The following CLSTN2 variants were observed in gnomAD, a reference collection of about 807,000 sequenced individuals.
CLSTN2 encodes calsyntenin-2.
In CLSTN2, 48 loss-of-function variants were observed where a neutral mutation model predicts 101.2. That is an observed-to-expected ratio of 0.47 (90% confidence interval 0.38 to 0.60). CLSTN2 has a LOEUF of 0.60. CLSTN2 is among the 20% of genes least tolerant of loss of function. CLSTN2 has a pLI of 0.00. For synonymous variants in CLSTN2, 481 were observed against 463.6 expected (o/e 1.04, Z -0.48); for missense variants, 1,160 against 1,238.2 (o/e 0.94, Z 0.95).
chr3:140,134,336 G>C (rs922914986), intron 1 of CLSTN2, among the ~76,000 whole-genome samples: 1 of 152,112 alleles, frequency 6.6e-6, no homozygotes, highest in African/African-American at 2.4e-5. Flanking sequence ...TCTGCTGCCA[G>C]AGTCTGTCTA....
intron 2 of CLSTN2, among the ~76,000 whole-genome samples, chr3:140,329,041 A>T (rs973118521): frequency 1.3e-5 from 2 of 152,104 alleles, no homozygotes; most frequent in Non-Finnish European, 2.9e-5. Flanking sequence ...CTCTTTTGGG[A>T]CTCAGTTTTC....
chr3:140,564,051 C>T lies in CLSTN2; in HGVS notation c.2573C>T (p.Ala858Val). ...VAMGVYRVRI[A>V]HQHFIQETEA... is the part of the protein sequence containing the mutation. ...ATGGGTGTGTACCGGGTCCGGATCG[C>T]CCACCAGCACTTCATCCAGGAGACT... The change falls in exon 16 of 17, where the codon GCC becomes GTC. Residue 858 changes from alanine (A) to valine (V), a missense_variant. By Grantham distance (64) the Ala-to-Val change is moderately conservative. Transcript: ENST00000458420. 2 of 1,614,010 alleles carry T rather than the reference C, an allele frequency of 1.2e-6. No homozygotes were observed. Among genetic ancestry groups the T allele is most frequent in the East Asian group, 2.2e-5 (1 of 44,864 alleles).
intron 1 of CLSTN2, among the ~76,000 whole-genome samples, chr3:140,082,989 C>G (rs879605579): frequency 2.0e-5 from 3 of 152,196 alleles, no homozygotes; most frequent in Admixed American, 2.0e-4. Context: ...GGCCTTTACA[C>G]ATGCTGTTTC....
intron 1 of CLSTN2, among the ~76,000 whole-genome samples, chr3:140,111,037 A>C (rs1184263197): frequency 3.9e-5 from 6 of 152,140 alleles, no homozygotes; most frequent in Non-Finnish European, 8.8e-5. Context: ...TTCTCAGGAG[A>C]AGAAGCTGCA....
chr3:140,284,761 G>A (rs933998667), intron 2 of CLSTN2, among the ~76,000 whole-genome samples: 7 of 152,048 alleles, frequency 4.6e-5, no homozygotes, highest in African/African-American at 1.7e-4. Flanking sequence ...TGCATTTGCT[G>A]GGTTGGCAGA....
intron 1 of CLSTN2, among the ~76,000 whole-genome samples, chr3:139,945,531 T>C (rs1378667797): frequency 6.6e-6 from 1 of 152,238 alleles, no homozygotes; most frequent in African/African-American, 2.4e-5. Context: ...TTGAATTTAG[T>C]GTGAGTCTCT....
chr3:140,417,855 C>A (rs1226791419), intron 4 of CLSTN2, among the ~76,000 whole-genome samples: 1 of 152,206 alleles, frequency 6.6e-6, no homozygotes, highest in East Asian at 1.9e-4. Flanking sequence ...CAGTTTTTAG[C>A]TAATGCTTCA....
chr3:140,544,741 CAG>C (rs1159156804), intron 9 of CLSTN2, among the ~76,000 whole-genome samples: 5 of 150,770 alleles, frequency 3.3e-5, no homozygotes, highest in Non-Finnish European at 7.4e-5. Context: ...GGGCTCCAGG[CAG>C]AGAGAGGGTA....
chr3:140,106,204 C>T (rs900174581), intron 1 of CLSTN2, among the ~76,000 whole-genome samples: 1 of 152,144 alleles, frequency 6.6e-6, no homozygotes, highest in African/African-American at 2.4e-5. Flanking sequence ...AACAGGTGAC[C>T]AGGGTCTATT....
At chr3:139,980,325 G>A (rs1404731629) in intron 1 of CLSTN2, among the ~76,000 whole-genome samples, 1 of 151,918 alleles carries the variant, frequency 6.6e-6, no homozygotes, top group African/African-American at 2.4e-5. Flanking sequence ...CCTGCCTCAG[G>A]GCCTTTGCAC....
At chr3:140,557,606 G>C (rs986735232) in intron 11 of CLSTN2, among the ~76,000 whole-genome samples, 3 of 152,170 alleles carry the variant, frequency 2.0e-5, no homozygotes, top group African/African-American at 7.2e-5. Context: ...CTGGGAAGAG[G>C]AGGAGGCCAC....
At chr3:140,339,937 A>G in intron 2 of CLSTN2, among the ~76,000 whole-genome samples, 1 of 152,210 alleles carries the variant, frequency 6.6e-6, no homozygotes, top group Non-Finnish European at 1.5e-5. Flanking sequence ...TGGCTCCACC[A>G]CACACTAAGT....
At chr3:140,111,516 C>T (rs561721851) in intron 1 of CLSTN2, among the ~76,000 whole-genome samples, 64 of 152,166 alleles carry the variant, frequency 4.2e-4, no homozygotes, top group Non-Finnish European at 5.1e-4. Context: ...AGGCCTGAGC[C>T]CCAGTGTATC....
chr3:140,105,164 A>G (rs769643887), intron 1 of CLSTN2, among the ~76,000 whole-genome samples: 1 of 152,196 alleles, frequency 6.6e-6, no homozygotes, highest in African/African-American at 2.4e-5. Context: ...ACTTCTTTAA[A>G]TTCATCCTCT....
intron 1 of CLSTN2, among the ~76,000 whole-genome samples, chr3:140,105,867 C>A (rs2009049238): frequency 6.6e-6 from 1 of 152,160 alleles, no homozygotes; most frequent in Non-Finnish European, 1.5e-5. Flanking sequence ...GCACATGGGA[C>A]CCTCTCTGAG....
At chr3:139,997,047 C>CAA (rs369329154) in intron 1 of CLSTN2, among the ~76,000 whole-genome samples, 32,317 of 83,962 alleles carry the variant, frequency 0.38, 5,434 homozygotes, top group Non-Finnish European at 0.48. Flanking sequence ...GACTCTGTCT[C>CAA]AAAAAAAAAA....
rs1378975102 is a variant in CLSTN2, at chr3:139,993,378, AC to A, written c.109+57899del. Among the ~76,000 whole-genome samples, 4 of 151,698 alleles carry A rather than the reference AC, an allele frequency of 2.6e-5. No individual in the cohort carries two copies. In the East Asian group the frequency reaches 7.7e-4, roughly 29 times the overall value. On this transcript the variant is annotated intron_variant, in intron 1 of 16. Coordinates refer to ENST00000458420, the MANE Select transcript of CLSTN2 (RefSeq NM_022131.3). ...TATCCTAACTCAGCTTGTACTGTCG[AC>A]CCCTGTCCTGGGGATACTGGGTGGC...
chr3:140,010,249 T>C lies in CLSTN2; in HGVS notation c.109+74766T>C, dbSNP rs570167691. Among the ~76,000 whole-genome samples the C allele has an allele frequency of 2.0e-5, 3 of 152,368 alleles. No homozygotes were observed. The East Asian group carries it at 5.8e-4, about 29-fold the overall frequency. On this transcript the variant is annotated intron_variant, in intron 1 of 16. Transcript: ENST00000458420. Reference sequence around the variant, plus strand: ...TATCTTTTGGGAGATTTCTGTACCCTGCCATGAACTAGGAGGTGTTGGTTT... The same window carrying C: ...TATCTTTTGGGAGATTTCTGTACCCCGCCATGAACTAGGAGGTGTTGGTTT...
chr3:140,017,549 C>T (rs1289100337), intron 1 of CLSTN2, among the ~76,000 whole-genome samples: 20 of 152,292 alleles, frequency 1.3e-4, no homozygotes, highest in South Asian at 6.2e-4. Context: ...TGAGCTGAGC[C>T]GAGTGCCCCT....
Sources: allele counts gnomAD v4.1 joint callset (sites outside exome capture counted in the v4.1 genomes callset), GRCh38; gene constraint gnomAD v4.1.1; transcripts MANE v1.5; gene names NCBI Gene and HGNC (gene_info 2026-07-23, HGNC 2026-07-21).